Variants in RANBP2 observed in about 807,000 individuals in gnomAD.
RANBP2 encodes the protein E3 SUMO-protein ligase RanBP2.
RANBP2 carries 57 observed loss-of-function variants against 303.6 expected under a neutral mutation model. The ratio of observed to expected loss-of-function variants is 0.19; its 90% CI spans 0.15 to 0.23. The LOEUF (loss-of-function observed/expected upper bound fraction) is 0.23, where lower values mean the gene tolerates loss of function less well. Among genes scored for constraint, RANBP2 ranks in the 10% least tolerant of loss-of-function variants. The pLI, the probability that RANBP2 is intolerant of heterozygous loss-of-function variation, is 1.00. For synonymous variants in RANBP2, 1,167 were observed against 1,301.5 expected, an observed-to-expected ratio of 0.90 and a Z score of 2.23; for missense variants, 3,138 against 3,780.8, an observed-to-expected ratio of 0.83 and a Z score of 4.46.
rs144950225 is a variant in RANBP2, at chr2:108,783,766, A to C, written c.9540A>C (p.Glu3180Asp). Residue 3180 changes from glutamate (E) to aspartate (D), a missense_variant, in exon 29 of 29, where the codon GAA (glutamate) becomes GAC (aspartate). Physicochemically the swap from Glu to Asp is conservative, Grantham distance 45. Around this residue, in one of 20 missense-constraint regions of RANBP2, gnomAD observed 204 missense variants for 228.4 expected, o/e 0.89. Coordinates refer to ENST00000283195, the MANE Select transcript of RANBP2 (RefSeq NM_006267.5). The part of the protein sequence containing the change: ...SQFVITLKKA[E>D]HLDFKHVVFG... Reference sequence around the variant, plus strand: ...TTGTTATAACACTGAAGAAAGCAGAACATTTGGACTTTAAGCATGTAGTAT... The same window carrying C: ...TTGTTATAACACTGAAGAAAGCAGACCATTTGGACTTTAAGCATGTAGTAT... The C allele has an allele frequency of 3.1e-6, 5 of 1,613,044 alleles. No individual in the cohort carries two copies. The highest frequency in any genetic ancestry group is 4.2e-6 in the Non-Finnish European group (5 of 1,179,152).
the RANBP2 span, among the ~76,000 whole-genome samples, chr2:109,069,800 T>G: frequency 1.3e-5 from 2 of 152,238 alleles, no homozygotes; most frequent in African/African-American, 2.4e-5. Flanking sequence ...ATTTAGTCTA[T>G]TCCTTCAACA....
At chr2:109,282,035 GGT>G in the RANBP2 span, among the ~76,000 whole-genome samples, 1 of 152,048 alleles carries the variant, frequency 6.6e-6, no homozygotes, top group African/African-American at 2.4e-5. Context: ...ATCTCTGCTT[GGT>G]GTCAGAGGGG....
the RANBP2 span, among the ~76,000 whole-genome samples, chr2:109,260,027 T>C: frequency 6.6e-6 from 1 of 152,324 alleles, no homozygotes; most frequent in Admixed American, 6.5e-5. Context: ...AAGTAGTAAT[T>C]GTAATTTTTT....
At chr2:109,708,940 G>A in the RANBP2 span, among the ~76,000 whole-genome samples, 1 of 152,052 alleles carries the variant, frequency 6.6e-6, no homozygotes, top group African/African-American at 2.4e-5. Flanking sequence ...TTGTGCAGTT[G>A]CACTCCAGCC....
chr2:109,119,087 C>G, the RANBP2 span, among the ~76,000 whole-genome samples: 1 of 152,218 alleles, frequency 6.6e-6, no homozygotes, highest in Non-Finnish European at 1.5e-5. Flanking sequence ...TCTGACCTGG[C>G]TTTTCAAGAA....
the RANBP2 span, among the ~76,000 whole-genome samples, chr2:109,181,395 C>T: frequency 6.6e-6 from 1 of 152,166 alleles, no homozygotes; most frequent in Non-Finnish European, 1.5e-5. Flanking sequence ...CCACTCACGT[C>T]TTTTTTCTGT....
chr2:109,454,123 A>G, the RANBP2 span, among the ~76,000 whole-genome samples: 3 of 152,238 alleles, frequency 2.0e-5, no homozygotes, highest in Non-Finnish European at 1.5e-5. Flanking sequence ...GATAAGAGAG[A>G]GAAGAAAACA....
chr2:109,607,372 A>G, the RANBP2 span, among the ~76,000 whole-genome samples: 2 of 152,202 alleles, frequency 1.3e-5, no homozygotes, highest in Non-Finnish European at 2.9e-5. Context: ...AAGAAAAAAC[A>G]TATGTTGCCC....
At chr2:109,490,268 T>C in the RANBP2 span, among the ~76,000 whole-genome samples, 93,200 of 151,884 alleles carry the variant, frequency 0.61, 29,384 homozygotes, top group Middle Eastern at 0.78. Context: ...GCTTACTGCT[T>C]GACTCCGGAG....
chr2:109,403,925 C>T, the RANBP2 span, among the ~76,000 whole-genome samples: 2 of 152,304 alleles, frequency 1.3e-5, no homozygotes, highest in Middle Eastern at 3.4e-3. Context: ...GGCGTGCGTG[C>T]GGGCTGCCCT....
the RANBP2 span, among the ~76,000 whole-genome samples, chr2:109,520,181 T>TTCATATGCA: frequency 6.6e-6 from 1 of 152,370 alleles, no homozygotes; most frequent in African/African-American, 2.4e-5. Context: ...TCTGAATTTA[T>TTCATATGCA]GTCTTAAAAC....
the RANBP2 span, among the ~76,000 whole-genome samples, chr2:109,404,341 G>A: frequency 6.6e-6 from 1 of 152,226 alleles, no homozygotes; most frequent in African/African-American, 2.4e-5. Context: ...TGTGTAAGGT[G>A]AGCTCGAGGC....
chr2:109,400,470 T>C, the RANBP2 span, among the ~76,000 whole-genome samples: 5 of 151,962 alleles, frequency 3.3e-5, no homozygotes, highest in East Asian at 9.7e-4. Flanking sequence ...CACATACACA[T>C]GTGCACACAC....
chr2:109,065,065 C>T, the RANBP2 span, among the ~76,000 whole-genome samples: 1 of 152,286 alleles, frequency 6.6e-6, no homozygotes, highest in East Asian at 1.9e-4. Flanking sequence ...GACTTAGGTT[C>T]AGGAGTCCTG....
chr2:108,922,423 T>C, the RANBP2 span, among the ~76,000 whole-genome samples: 2 of 152,174 alleles, frequency 1.3e-5, no homozygotes, highest in Admixed American at 6.5e-5. Flanking sequence ...AGCAAACACA[T>C]TGGTGCAGGG....
chr2:109,010,118 T>C, the RANBP2 span, among the ~76,000 whole-genome samples: 1 of 152,194 alleles, frequency 6.6e-6, no homozygotes, highest in Non-Finnish European at 1.5e-5. Flanking sequence ...ATAGTGGGCA[T>C]TGTGTTCTTT....
intron 1 of RANBP2, among the ~76,000 whole-genome samples, chr2:108,728,394 A>C (rs1694900450): frequency 6.6e-6 from 1 of 152,044 alleles, no homozygotes; most frequent in African/African-American, 2.4e-5. Flanking sequence ...CCTGGGCTCA[A>C]GTGATTCTCC....
At chr2:109,060,894 T>C in the RANBP2 span, among the ~76,000 whole-genome samples, 1 of 152,210 alleles carries the variant, frequency 6.6e-6, no homozygotes, top group South Asian at 2.1e-4. Context: ...TACATGCTTA[T>C]TATAGAAAAT....
chr2:108,861,792 C>T, the RANBP2 span, among the ~76,000 whole-genome samples: 2 of 152,166 alleles, frequency 1.3e-5, no homozygotes, highest in East Asian at 1.9e-4. Flanking sequence ...AAACCTCGGC[C>T]TCCCAAAGTG....
Sources: gnomAD v4.1 joint callset for allele counts (sites outside exome capture counted in the v4.1 genomes callset) on GRCh38, gnomAD v4.1.1 for gene constraint, gnomAD v4.1.1 regional missense constraint, MANE v1.5 for transcripts, NCBI Gene and HGNC (gene_info 2026-07-23, HGNC 2026-07-21) for gene names.